LRRC31: variants seen among roughly 807,000 people sequenced by gnomAD.
LRRC31 encodes the protein leucine rich repeat containing 31, also known as leucine-rich repeat-containing protein 31.
A neutral mutation model predicts 46.7 loss-of-function variants in LRRC31; 35 were observed. That is an observed-to-expected ratio of 0.75 (90% CI 0.57 to 0.99). The LOEUF (loss-of-function observed/expected upper bound fraction) is 0.99. LRRC31 is among the 50% of genes least tolerant of loss of function. The pLI, the probability that LRRC31 is intolerant of heterozygous loss-of-function variation, is 0.00. For missense variants in LRRC31, 613 were observed against 626.1 expected (o/e 0.98, Z 0.22); for synonymous variants, 236 against 235.1 (o/e 1.00, Z -0.03).
chr3:169,851,800 C>T lies in LRRC31; in HGVS notation c.992-14G>A. 3 of 1,613,078 alleles carry T rather than the reference C, an allele frequency of 1.9e-6. No individual in the cohort carries two copies. The highest frequency in any genetic ancestry group is 2.5e-6 in the Non-Finnish European group (3 of 1,179,504). On this transcript the variant is annotated splice_polypyrimidine_tract_variant and intron_variant, in intron 6 of 8. Transcript: ENST00000316428. ...GAATGACCTGGGCTGTTAAAAATAT[C>T]AACAGTGACATGTTTTAGGCACCAT... is the stretch of plus-strand genomic sequence containing the variant.
chr3:169,860,684 A>T lies in LRRC31; in HGVS notation c.364T>A (p.Ser122Thr). Residue 122 changes from serine (S) to threonine (T), a missense_variant, in exon 3 of 9, where the codon TCC becomes ACC. Transcript: ENST00000316428. ...GTTCCACCTACAAAACCATTCCAGG[A>T]GATATCCAGTTCTTCCAAGTCTGGG... ...FLPDLEELDISWNGFVGGTLL... is the reference protein window; with the variant it reads ...FLPDLEELDITWNGFVGGTLL... 6.2e-7 allele frequency: 1 copy of T among 1,614,144 alleles called. No homozygotes were observed. The highest frequency in any genetic ancestry group is 8.5e-7 in the Non-Finnish European group (1 of 1,179,988).
chr3:169,840,230 T>C lies in LRRC31; in HGVS notation c.1411A>G (p.Thr471Ala). The C allele has an allele frequency of 6.2e-7, 1 of 1,614,094 alleles. No homozygotes were observed. Among genetic ancestry groups the C allele is most frequent in the Non-Finnish European group, 8.5e-7 (1 of 1,180,014 alleles). Residue 471 changes from threonine to alanine, a missense_variant, in exon 9 of 9, where the codon ACC becomes GCC. By Grantham distance (58) the Thr-to-Ala change is moderately conservative. Coordinates refer to ENST00000316428, the MANE Select transcript of LRRC31 (RefSeq NM_024727.4). ...AACCGCACGTTTTGGCAGAACATGG[T>C]CCACCCCGCATCACAGATGCTGTCA... ...YNDSICDAGW[T>A]MFCQNVRFLK...
At chr3:169,845,308 G>A (rs914248778) in intron 8 of LRRC31, among the ~76,000 whole-genome samples, 5 of 152,278 alleles carry the variant, frequency 3.3e-5, no homozygotes, top group Non-Finnish European at 4.4e-5. Context: ...TAAATTCAAT[G>A]TAATCCCAAT....
chr3:169,869,749 G>C lies in LRRC31; in HGVS notation c.59C>G (p.Thr20Ser). ...GGAGCCCCTGAGAAATTTGTTGACA[G>C]TTGAAGTCTGGGGCTTAGTTTCTCC... ...SEGETKPQTS[T>S]VNKFLRGSNA... is the part of the protein sequence containing the mutation. Residue 20 changes from threonine (T) to serine (S), a missense_variant, in exon 1 of 9, where the codon ACT becomes AGT. By Grantham distance (58) the Thr-to-Ser change is moderately conservative. Coordinates refer to ENST00000316428, the MANE Select transcript of LRRC31 (RefSeq NM_024727.4). 1.2e-6 allele frequency: 2 copies of C among 1,613,232 alleles called. No homozygotes were observed. The highest frequency in any genetic ancestry group is 1.7e-6 in the Non-Finnish European group (2 of 1,179,728).
chr3:169,856,636 C>A, intron 4 of LRRC31, 69 bp downstream of exon 4: 2 of 1,463,504 alleles, frequency 1.4e-6, no homozygotes, highest in Admixed American at 2.5e-5. Context: ...TAAGACAAAA[C>A]ACAGCAAACT....
chr3:169,842,846 T>C (rs1295244434), intron 8 of LRRC31, among the ~76,000 whole-genome samples: 5 of 152,154 alleles, frequency 3.3e-5, no homozygotes, highest in East Asian at 1.9e-4. Flanking sequence ...ATTTTAATTA[T>C]AAACATTAAA....
At position 169,851,741 on chromosome 3, in the gene LRRC31, G is replaced by A. The variant is rs1439194610; in HGVS notation, c.1037C>T (p.Ser346Leu). The A allele has an allele frequency of 8.7e-6, 14 of 1,614,022 alleles. No individual in the cohort carries two copies. Among genetic ancestry groups the A allele is most frequent in the Non-Finnish European group, 1.0e-5 (12 of 1,180,008 alleles). Residue 346 changes from serine to leucine, a missense_variant, in exon 7 of 9, where the codon TCA becomes TTA. Ser to Leu is a moderately radical substitution (Grantham distance 145, BLOSUM62 -2). Coordinates refer to ENST00000316428, the MANE Select transcript of LRRC31 (RefSeq NM_024727.4). ...AGAACTGCCCATCTTTTTGTTGGCT[G>A]ATAAATCCAATTCTTGAAGATTTGA... is the stretch of plus-strand genomic sequence containing the variant. Reference protein sequence around the residue: ...LLSNLQELDLSANKKMGSSSE... With the variant: ...LLSNLQELDLLANKKMGSSSE...
intron 8 of LRRC31, among the ~76,000 whole-genome samples, chr3:169,845,103 T>C (rs1350213019): frequency 6.6e-6 from 1 of 152,024 alleles, no homozygotes; most frequent in Non-Finnish European, 1.5e-5. Flanking sequence ...CCACGTAACA[T>C]TGGGAATCTA....
intron 8 of LRRC31, among the ~76,000 whole-genome samples, chr3:169,844,649 C>T (rs1780549486): frequency 6.6e-6 from 1 of 152,042 alleles, no homozygotes; most frequent in Non-Finnish European, 1.5e-5. Context: ...AAATCTGTCT[C>T]TAGGCCGGGC....
chr3:169,841,422 T>G (rs530321910), intron 8 of LRRC31, among the ~76,000 whole-genome samples: 2 of 152,308 alleles, frequency 1.3e-5, no homozygotes, highest in African/African-American at 4.8e-5. Flanking sequence ...TCACTTTCAC[T>G]TGCCAACAGT....
At chr3:169,858,763 G>A (rs1355741317) in intron 3 of LRRC31, among the ~76,000 whole-genome samples, 1 of 152,030 alleles carries the variant, frequency 6.6e-6, no homozygotes, top group Non-Finnish European at 1.5e-5. Flanking sequence ...TAGCACTTTG[G>A]GAGGCCAAGG....
intron 7 of LRRC31, among the ~76,000 whole-genome samples, chr3:169,848,968 G>T (rs189693886): frequency 6.6e-6 from 1 of 152,142 alleles, no homozygotes; most frequent in South Asian, 2.1e-4. Context: ...TTCAGATGGG[G>T]GCAAGCCTCC....
intron 8 of LRRC31, among the ~76,000 whole-genome samples, chr3:169,840,948 A>G (rs1780429841): frequency 1.3e-5 from 2 of 152,232 alleles, no homozygotes; most frequent in South Asian, 4.1e-4. Flanking sequence ...AGGAGAGATA[A>G]CCACGGAAAA....
rs1198642222 is a variant in LRRC31 at position 169,856,401 on chromosome 3, G to A, written c.758C>T (p.Thr253Ile). ...LNSIAQGLKS[T>I]SNLKVLKLHS... ...TAACTTCAGTACTTTCAGATTTGAG[G>A]TGCTTTTTAATCCCTGAGCAATACT... is the stretch of plus-strand genomic sequence containing the variant. The change falls in exon 5 of 9, where the codon ACC becomes ATC. Residue 253 changes from threonine to isoleucine, a missense_variant. Transcript: ENST00000316428. The A allele has an allele frequency of 5.0e-6, 8 of 1,605,942 alleles. No homozygotes were observed. In the African/African-American group the frequency reaches 8.0e-5, roughly 16 times the overall value.
chr3:169,852,402 CAAA>C (rs11344242), intron 6 of LRRC31, among the ~76,000 whole-genome samples: 9 of 88,480 alleles, frequency 1.0e-4, no homozygotes, highest in Non-Finnish European at 9.4e-5. Flanking sequence ...GACTCCGTCT[CAAA>C]AAAAAAAAAA....
chr3:169,852,327 C>T (rs982316926), intron 6 of LRRC31, among the ~76,000 whole-genome samples: 3 of 144,458 alleles, frequency 2.1e-5, no homozygotes, highest in Non-Finnish European at 3.0e-5. Context: ...GGCGTGAACC[C>T]GGGAGGCGGA....
At chr3:169,866,864 A>G (rs1021032408) in intron 1 of LRRC31, among the ~76,000 whole-genome samples, 1 of 152,082 alleles carries the variant, frequency 6.6e-6, no homozygotes, top group Non-Finnish European at 1.5e-5. Flanking sequence ...TGGGAGGCTG[A>G]GACAAGAGAA....
chr3:169,839,967 A>G lies in LRRC31; in HGVS notation c.*15T>C. 1 of 1,586,586 alleles carries G rather than the reference A, an allele frequency of 6.3e-7. No homozygotes were observed. Among genetic ancestry groups the G allele is most frequent in the Non-Finnish European group, 8.6e-7 (1 of 1,162,090 alleles). Reference sequence around the variant, plus strand: ...GGAGAATGGTTTGTAGCTTAGTAGGACATGGGAAATCAGTTTACTGAAACC... The same window carrying G: ...GGAGAATGGTTTGTAGCTTAGTAGGGCATGGGAAATCAGTTTACTGAAACC... On this transcript the variant is annotated 3_prime_UTR_variant, in exon 9 of 9. Transcript: ENST00000316428.
intron 6 of LRRC31, chr3:169,853,330 C>T (rs139819271): frequency 2.0e-6 from 2 of 985,286 alleles, no homozygotes; most frequent in East Asian, 2.3e-4. Context: ...GATGTATTTT[C>T]ATTTCCATCT....
Sources: allele counts gnomAD v4.1 joint callset (sites outside exome capture counted in the v4.1 genomes callset), GRCh38; gene constraint gnomAD v4.1.1; transcripts MANE v1.5; gene names NCBI Gene and HGNC (gene_info 2026-07-23, HGNC 2026-07-21).